Variants in MS4A4E observed in about 807,000 individuals in gnomAD.
The protein encoded by MS4A4E is putative membrane-spanning 4-domains subfamily A member 4E.
Under a neutral mutation model 13.3 loss-of-function variants are expected in MS4A4E, and 23 were observed. The ratio of observed to expected loss-of-function variants is 1.73; its 90% CI spans 1.25 to 2.45. MS4A4E has a LOEUF of 2.45. Among genes scored for constraint, MS4A4E ranks in the 30% most tolerant of loss-of-function variants. The probability of loss-of-function intolerance (pLI) is 0.00; values close to 1 mark genes in which losing one functional copy is unlikely to be tolerated. For synonymous variants in MS4A4E, 36 were observed against 45.6 expected (o/e 0.79, Z 0.85); for missense variants, 144 against 131.2 (o/e 1.10, Z -0.48).
Position 60,201,525 on chromosome 11 carries a change from A to G in MS4A4E, c.*18T>C. On this transcript the variant is annotated 3_prime_UTR_variant, in exon 9 of 9. Transcript: ENST00000651255. ...CACATCCCAGACAGGGCGGTGGGGCAAAGGCGCTCCCCACATCTCAGAAGA... is the reference window on the plus strand; with the variant it reads ...CACATCCCAGACAGGGCGGTGGGGCGAAGGCGCTCCCCACATCTCAGAAGA... 3.6e-6 allele frequency: 1 copy of G among 278,930 alleles called. No homozygotes were observed. The highest frequency in any genetic ancestry group is 7.2e-6 in the Non-Finnish European group (1 of 139,588). 17.3% of individuals were successfully genotyped at this position (278,930 alleles called of 1,614,324 possible).
intron 3 of MS4A4E, among the ~76,000 whole-genome samples, chr11:60,222,812 G>A (rs1441249704): frequency 6.6e-6 from 1 of 152,146 alleles, no homozygotes; most frequent in African/African-American, 2.4e-5. Flanking sequence ...CAGCTAAGAA[G>A]GGAGTTACAG....
At chr11:60,231,016 T>C (rs1472975188) in intron 1 of MS4A4E, among the ~76,000 whole-genome samples, 1 of 152,178 alleles carries the variant, frequency 6.6e-6, no homozygotes, top group African/African-American at 2.4e-5. Context: ...CCAAATTTGC[T>C]ATGTACAGAA....
intron 1 of MS4A4E, among the ~76,000 whole-genome samples, chr11:60,233,084 C>T (rs2084433493): frequency 6.6e-6 from 1 of 152,084 alleles, no homozygotes; most frequent in Non-Finnish European, 1.5e-5. Flanking sequence ...TCTGAGAAAC[C>T]CTGACTCCCC....
intron 3 of MS4A4E, among the ~76,000 whole-genome samples, chr11:60,216,746 G>T (rs1237197149): frequency 6.6e-6 from 1 of 152,104 alleles, no homozygotes; most frequent in Non-Finnish European, 1.5e-5. Context: ...TCCTGGGTGT[G>T]TCTGTGAGGG....
At chr11:60,210,627 T>C (rs2134923500) in intron 5 of MS4A4E, among the ~76,000 whole-genome samples, 1 of 152,362 alleles carries the variant, frequency 6.6e-6, no homozygotes, top group East Asian at 1.9e-4. Context: ...CTTTCCAGCA[T>C]TTCTATCTTT....
At chr11:60,229,258 C>A (rs914209182) in intron 2 of MS4A4E, among the ~76,000 whole-genome samples, 1 of 152,012 alleles carries the variant, frequency 6.6e-6, no homozygotes, top group Admixed American at 6.5e-5. Context: ...CTAGTATGTG[C>A]CAACATAAAT....
In MS4A4E at chr11:60,239,830, G is replaced by A. The variant is rs377257655; in HGVS notation, c.-17+3128C>T. On this transcript the variant is annotated intron_variant, in intron 1 of 8. Transcript: ENST00000651255. Reference sequence around the variant, plus strand: ...TACAAAATTTAGATTTGGAGCAAACGAATAAAATAAAATAGCAGGCCTTAT... The same window carrying A: ...TACAAAATTTAGATTTGGAGCAAACAAATAAAATAAAATAGCAGGCCTTAT... 1.8e-4 allele frequency among the ~76,000 whole-genome samples: 27 copies of A among 152,260 alleles called. No individual in the cohort carries two copies. The South Asian group carries it at 4.6e-3, about 26-fold the overall frequency.
At chr11:60,225,110 C>T (rs746286225) in intron 3 of MS4A4E, 37 of 1,501,320 alleles carry the variant, frequency 2.5e-5, no homozygotes, top group Non-Finnish European at 3.1e-5. Flanking sequence ...ATGATGAAAG[C>T]AAAAACTGAT....
At chr11:60,232,314 C>T (rs1034210930) in intron 1 of MS4A4E, among the ~76,000 whole-genome samples, 1 of 151,198 alleles carries the variant, frequency 6.6e-6, no homozygotes, top group Non-Finnish European at 1.5e-5. Flanking sequence ...CACACACACA[C>T]ACACACACCA....
chr11:60,234,505 G>A (rs11822138), intron 1 of MS4A4E, among the ~76,000 whole-genome samples: 2,057 of 152,240 alleles, frequency 0.014, 48 homozygotes, highest in African/African-American at 0.046. Flanking sequence ...GTAAGCTATG[G>A]CAGGAGTGGA....
intron 1 of MS4A4E, among the ~76,000 whole-genome samples, chr11:60,235,399 C>T (rs140323338): frequency 1.3e-5 from 2 of 152,256 alleles, no homozygotes; most frequent in East Asian, 3.9e-4. Context: ...GATCTTAAAC[C>T]TCCAGATTTT....
chr11:60,204,311 G>A (rs1301988303), intron 8 of MS4A4E, among the ~76,000 whole-genome samples: 2 of 152,128 alleles, frequency 1.3e-5, no homozygotes, highest in East Asian at 1.9e-4. Context: ...TCAGGGATTG[G>A]CCCAACTTGA....
chr11:60,200,548 C>T lies in MS4A4E; in HGVS notation c.*995G>A, dbSNP rs2083973653. Among the ~76,000 whole-genome samples, 4 of 152,124 alleles carry T rather than the reference C, an allele frequency of 2.6e-5. No homozygotes were observed. The South Asian group carries it at 8.3e-4, about 32-fold the overall frequency. ...TTAACAAAGCACACCTTGCACCGCC[C>T]TTAATCCATTTAACCCTGAGTGGAC... On this transcript the variant is annotated 3_prime_UTR_variant, in exon 9 of 9. Coordinates refer to ENST00000651255, the MANE Select transcript of MS4A4E (RefSeq NM_001393391.1).
chr11:60,213,582 T>A (rs2084152528), intron 4 of MS4A4E, among the ~76,000 whole-genome samples: 1 of 152,218 alleles, frequency 6.6e-6, no homozygotes, highest in South Asian at 2.1e-4. Flanking sequence ...TTATAAGTAT[T>A]AAAATTACAC....
chr11:60,219,988 C>T (rs1348080911), intron 3 of MS4A4E, among the ~76,000 whole-genome samples: 2 of 152,204 alleles, frequency 1.3e-5, no homozygotes, highest in Non-Finnish European at 1.5e-5. Flanking sequence ...ACATGCTTAG[C>T]AGCTGTCAGG....
chr11:60,208,121 C>T lies in MS4A4E; in HGVS notation c.483+472G>A, dbSNP rs1232427717. ...TGACACTCACTGACCCCTTGTGATT[C>T]CCTTCTCTCAAGTGTGGATGAAACC... On this transcript the variant is annotated intron_variant, in intron 6 of 8. Coordinates refer to ENST00000651255, the MANE Select transcript of MS4A4E (RefSeq NM_001393391.1). 2.6e-5 allele frequency among the ~76,000 whole-genome samples: 4 copies of T among 152,252 alleles called. No homozygotes were observed. In the East Asian group the frequency reaches 7.7e-4, roughly 29 times the overall value.
intron 1 of MS4A4E, among the ~76,000 whole-genome samples, chr11:60,234,564 G>T (rs2084455795): frequency 6.6e-6 from 1 of 151,872 alleles, no homozygotes. Context: ...TTTGCTTTGT[G>T]CACTCACTTC....
intron 3 of MS4A4E, among the ~76,000 whole-genome samples, chr11:60,226,199 GA>G (rs1263783363): frequency 2.6e-5 from 4 of 151,450 alleles, no homozygotes; most frequent in Non-Finnish European, 5.9e-5. Context: ...GAAAGGTTTG[GA>G]ATTCTACCAA....
chr11:60,215,276 A>G (rs925848953), intron 3 of MS4A4E, among the ~76,000 whole-genome samples: 4 of 151,970 alleles, frequency 2.6e-5, no homozygotes, highest in Non-Finnish European at 5.9e-5. Flanking sequence ...ATACCCAGAC[A>G]TAGAGATGAT....
Sources: allele counts gnomAD v4.1 joint callset (sites outside exome capture counted in the v4.1 genomes callset), GRCh38; gene constraint gnomAD v4.1.1; transcripts MANE v1.5; gene names NCBI Gene and HGNC (gene_info 2026-07-23, HGNC 2026-07-21).